CACNA2D3: variants seen among roughly 807,000 people sequenced by gnomAD.
CACNA2D3 encodes the protein voltage-dependent calcium channel subunit alpha-2/delta-3.
CACNA2D3 carries 60 observed loss-of-function variants against 160.6 expected under a neutral mutation model. The observed-to-expected ratio is 0.37, with a 90% CI of 0.30 to 0.46. The LOEUF (loss-of-function observed/expected upper bound fraction) is 0.46, where lower values mean the gene tolerates loss of function less well. Among genes scored for constraint, CACNA2D3 ranks in the 20% least tolerant of loss-of-function variants. The pLI is 1.00. For synonymous variants in CACNA2D3, 558 were observed against 492.9 expected (o/e 1.13, Z -1.75); for missense variants, 1,205 against 1,365.0 (o/e 0.88, Z 1.85).
intron 13 of CACNA2D3, among the ~76,000 whole-genome samples, chr3:54,798,654 A>C (rs1702920226): frequency 6.6e-6 from 1 of 152,210 alleles, no homozygotes; most frequent in African/African-American, 2.4e-5. Context: ...ATGTTACTAT[A>C]AGACAGAATC....
intron 2 of CACNA2D3, among the ~76,000 whole-genome samples, chr3:54,126,487 C>G (rs112786551): frequency 0.022 from 3,342 of 152,194 alleles, 67 homozygotes; most frequent in East Asian, 0.087. Flanking sequence ...CCGCTTTAGC[C>G]TATTATAATA....
intron 13 of CACNA2D3, among the ~76,000 whole-genome samples, chr3:54,798,936 T>G (rs1702925621): frequency 6.6e-6 from 1 of 152,234 alleles, no homozygotes; most frequent in South Asian, 2.1e-4. Context: ...TTCCTTAAAC[T>G]TCCTGCCTTC....
At chr3:54,315,033 T>C (rs901047690) in intron 2 of CACNA2D3, among the ~76,000 whole-genome samples, 2 of 152,208 alleles carry the variant, frequency 1.3e-5, no homozygotes, top group Non-Finnish European at 2.9e-5. Context: ...CTTGAAGCTA[T>C]AGAAAATAAA....
At chr3:54,889,579 G>A (rs1227817165) in intron 24 of CACNA2D3, among the ~76,000 whole-genome samples, 1 of 152,174 alleles carries the variant, frequency 6.6e-6, no homozygotes, top group South Asian at 2.1e-4. Flanking sequence ...GACACTGGGG[G>A]AGGATCAGGT....
At chr3:54,683,690 C>T (rs1304409460) in intron 11 of CACNA2D3, among the ~76,000 whole-genome samples, 1 of 152,162 alleles carries the variant, frequency 6.6e-6, no homozygotes, top group East Asian at 1.9e-4. Flanking sequence ...CTATGTTTCT[C>T]AGGGATGCCT....
At chr3:54,750,141 A>G (rs1035179692) in intron 11 of CACNA2D3, among the ~76,000 whole-genome samples, 1 of 152,214 alleles carries the variant, frequency 6.6e-6, no homozygotes, top group African/African-American at 2.4e-5. Flanking sequence ...GATTCACAGT[A>G]TTGTTCTGGA....
At chr3:54,267,285 C>A (rs1426007545) in intron 2 of CACNA2D3, among the ~76,000 whole-genome samples, 1 of 152,176 alleles carries the variant, frequency 6.6e-6, no homozygotes, top group Non-Finnish European at 1.5e-5. Context: ...TACTCAGCCT[C>A]CTTAAGTAAC....
At chr3:54,815,457 A>G (rs530931250) in intron 13 of CACNA2D3, among the ~76,000 whole-genome samples, 1 of 152,228 alleles carries the variant, frequency 6.6e-6, no homozygotes, top group Non-Finnish European at 1.5e-5. Flanking sequence ...AAGAGAAAGC[A>G]TTCTTCCCAG....
At chr3:54,825,436 A>G (rs1198362816) in intron 14 of CACNA2D3, among the ~76,000 whole-genome samples, 1 of 152,220 alleles carries the variant, frequency 6.6e-6, no homozygotes, top group Non-Finnish European at 1.5e-5. Context: ...ACAATTCTGT[A>G]GGTCATTTTT....
chr3:54,928,103 C>A (rs1575382969), intron 27 of CACNA2D3: 1 of 580,812 alleles, frequency 1.7e-6, no homozygotes, highest in Non-Finnish European at 3.0e-6. Flanking sequence ...AGCCCTTCCC[C>A]TTGTCTCCAT....
At chr3:54,129,847 CCAA>C (rs1699673583) in intron 2 of CACNA2D3, among the ~76,000 whole-genome samples, 4 of 152,110 alleles carry the variant, frequency 2.6e-5, no homozygotes, top group Non-Finnish European at 5.9e-5. Flanking sequence ...CGTGCCTGTG[CCAA>C]TAAAAATGGA....
At chr3:54,789,689 C>T (rs1702709530) in intron 13 of CACNA2D3, among the ~76,000 whole-genome samples, 1 of 152,216 alleles carries the variant, frequency 6.6e-6, no homozygotes, top group Admixed American at 6.5e-5. Flanking sequence ...TTACTCATTA[C>T]TCATTAAACT....
intron 13 of CACNA2D3, among the ~76,000 whole-genome samples, chr3:54,770,684 G>T (rs1702304607): frequency 6.6e-6 from 1 of 152,148 alleles, no homozygotes; most frequent in African/African-American, 2.4e-5. Context: ...GGCCATTCTG[G>T]TGCACGAAGC....
At chr3:54,733,747 ATAAACT>A (rs1480687214) in intron 11 of CACNA2D3, among the ~76,000 whole-genome samples, 6 of 152,360 alleles carry the variant, frequency 3.9e-5, no homozygotes, top group South Asian at 2.1e-4. Flanking sequence ...TTAATCAAAG[ATAAACT>A]TAAAGGCAGT....
chr3:55,016,782 T>C (rs886805894), intron 34 of CACNA2D3, among the ~76,000 whole-genome samples: 5 of 152,352 alleles, frequency 3.3e-5, no homozygotes, highest in South Asian at 2.1e-4. Context: ...TTACAATGCA[T>C]TGTGCTCCAA....
At chr3:54,843,596 T>C (rs1349377897) in intron 16 of CACNA2D3, among the ~76,000 whole-genome samples, 1 of 152,152 alleles carries the variant, frequency 6.6e-6, no homozygotes, top group South Asian at 2.1e-4. Flanking sequence ...GTCTTACATA[T>C]GAAAGGGGTT....
At chr3:54,566,378 G>A (rs979897032) in intron 6 of CACNA2D3, among the ~76,000 whole-genome samples, 7 of 152,184 alleles carry the variant, frequency 4.6e-5, no homozygotes, top group Admixed American at 2.0e-4. Context: ...AGGAGGCAGA[G>A]GATCAAAGGG....
chr3:54,474,470 C>G (rs550905785), intron 4 of CACNA2D3, among the ~76,000 whole-genome samples: 41 of 152,232 alleles, frequency 2.7e-4, no homozygotes, highest in African/African-American at 9.9e-4. Flanking sequence ...ATGGGTGCAG[C>G]AAACCACTAT....
chr3:54,566,920 C>T (rs1702418384), intron 6 of CACNA2D3, among the ~76,000 whole-genome samples: 1 of 152,178 alleles, frequency 6.6e-6, no homozygotes, highest in Non-Finnish European at 1.5e-5. Context: ...AGTTCAGGTT[C>T]TGTGCACAGC....
Sources: allele counts gnomAD v4.1 joint callset (sites outside exome capture counted in the v4.1 genomes callset), GRCh38; gene constraint gnomAD v4.1.1; transcripts MANE v1.5; gene names NCBI Gene and HGNC (gene_info 2026-07-23, HGNC 2026-07-21).